The following JMY variants were observed in gnomAD, a reference collection of about 807,000 sequenced individuals.
JMY encodes the protein junction-mediating and -regulatory protein.
JMY carries 46 observed loss-of-function variants against 103.3 expected under a neutral mutation model. The ratio of observed to expected loss-of-function variants is 0.45; its 90% CI spans 0.35 to 0.57. The LOEUF is 0.57. Among genes scored for constraint, JMY ranks in the 20% least tolerant of loss-of-function variants. The pLI, the probability that JMY is intolerant of heterozygous loss-of-function variation, is 0.00. For missense variants in JMY, 1,238 were observed against 1,255.2 expected, an observed-to-expected ratio of 0.99 and a Z score of 0.21; for synonymous variants, 526 against 489.3, an observed-to-expected ratio of 1.07 and a Z score of -0.99.
At chr5:79,316,457 G>A (rs1747224740) in intron 10 of JMY, 147 bp downstream of exon 10, 2 of 598,820 alleles carry the variant, frequency 3.3e-6, no homozygotes, top group Non-Finnish European at 5.9e-6. Context: ...ATGAACTTCA[G>A]GTTTTACTTA....
intron 6 of JMY, among the ~76,000 whole-genome samples, chr5:79,301,780 C>G (rs1746740771): frequency 6.6e-6 from 1 of 152,138 alleles, no homozygotes; most frequent in Non-Finnish European, 1.5e-5. Flanking sequence ...ACGTTCCAAT[C>G]TGCACCAACC....
intron 2 of JMY, among the ~76,000 whole-genome samples, chr5:79,286,658 A>G (rs923535511): frequency 9.2e-5 from 14 of 151,922 alleles, no homozygotes; most frequent in African/African-American, 2.9e-4. Flanking sequence ...AAAAAAATCC[A>G]TAATGCAAGT....
At chr5:79,307,056 A>G (rs1369978977) in intron 7 of JMY, among the ~76,000 whole-genome samples, 2 of 152,190 alleles carry the variant, frequency 1.3e-5, no homozygotes, top group Non-Finnish European at 2.9e-5. Flanking sequence ...ACGTGCATTT[A>G]AGGTTGCTCC....
chr5:79,278,162 A>G, intron 2 of JMY, 79 bp downstream of exon 2: 1 of 981,520 alleles, frequency 1.0e-6, no homozygotes, highest in Non-Finnish European at 1.4e-6. Context: ...TATCCACAAG[A>G]GGAACTTTAA....
chr5:79,312,676 G>C (rs1368090293), intron 8 of JMY, among the ~76,000 whole-genome samples, 178 bp downstream of exon 8: 1 of 151,974 alleles, frequency 6.6e-6, no homozygotes. Context: ...ATTTCCTCTG[G>C]TGGTTTTCCG....
chr5:79,284,124 T>G, intron 2 of JMY: 1 of 1,505,158 alleles, frequency 6.6e-7, no homozygotes, highest in Non-Finnish European at 8.9e-7. Context: ...CTATTTGAAG[T>G]CTGAACTTTA....
intron 2 of JMY, among the ~76,000 whole-genome samples, chr5:79,285,898 T>A (rs1019085549): frequency 3.9e-5 from 6 of 152,230 alleles, no homozygotes; most frequent in Non-Finnish European, 8.8e-5. Flanking sequence ...CTGTGCTTCA[T>A]AATAATTCCA....
chr5:79,262,264 C>T (rs937523174), intron 1 of JMY, among the ~76,000 whole-genome samples: 2 of 152,194 alleles, frequency 1.3e-5, no homozygotes, highest in African/African-American at 4.8e-5. Flanking sequence ...CTCTTCATCT[C>T]AAATATCCTT....
At chr5:79,237,822 G>T in intron 1 of JMY, 140 bp downstream of exon 1, 2 of 692,274 alleles carry the variant, frequency 2.9e-6, no homozygotes, top group Middle Eastern at 4.0e-4. Flanking sequence ...AGGGGTTCCT[G>T]ATCTACCTTG....
In JMY at chr5:79,325,671, A is replaced by G. The variant is rs947437176; in HGVS notation, c.*4069A>G. On this transcript the variant is annotated 3_prime_UTR_variant, in exon 11 of 11. Transcript: ENST00000396137. The stretch of plus-strand genomic sequence containing the variant: ...AGTGCTACTGAACAATTCAGTAGTT[A>G]TTTCTGAACTTTGCTGCAAAGTGCT... The G allele has an allele frequency of 1.1e-4, 17 of 152,132 alleles. No individual in the cohort carries two copies. Among genetic ancestry groups the G allele is most frequent in the Admixed American group, 8.5e-4 (13 of 15,270 alleles). The allele number at this position is 152,132 out of a possible 1,614,324, so 9.4% of individuals were successfully genotyped here. A position where few individuals can be genotyped will look rare whatever the true frequency, so the allele number is the denominator to read the frequency against.
chr5:79,261,249 CAT>C (rs910947687), intron 1 of JMY, among the ~76,000 whole-genome samples: 2 of 152,112 alleles, frequency 1.3e-5, no homozygotes, highest in African/African-American at 2.4e-5. Flanking sequence ...AAAATTTTAC[CAT>C]GGCAATGTAA....
chr5:79,276,388 G>A (rs1314454527), intron 1 of JMY, among the ~76,000 whole-genome samples: 1 of 151,862 alleles, frequency 6.6e-6, no homozygotes, highest in African/African-American at 2.4e-5. Flanking sequence ...CCAAAGTGCT[G>A]GGAGTACAGG....
chr5:79,305,750 T>C (rs530936262), intron 6 of JMY, among the ~76,000 whole-genome samples: 1 of 152,344 alleles, frequency 6.6e-6, no homozygotes, highest in East Asian at 1.9e-4. Flanking sequence ...TTGCAGCTCT[T>C]ATGTCTGCGA....
rs1747603465 is a variant in JMY, at chr5:79,325,408, G to A, written c.*3806G>A. The A allele has an allele frequency of 6.6e-6, 1 of 152,138 alleles. No homozygotes were observed. 9.4% of individuals were successfully genotyped at this position (152,138 alleles called of 1,614,324 possible). A position where few individuals can be genotyped will look rare whatever the true frequency, so the allele number is the denominator to read the frequency against. ...ATTTCAAAACCATTGCAGACACATTGTTAAAATGCAGCCATTTGATAATGA... is the reference window on the plus strand; with the variant it reads ...ATTTCAAAACCATTGCAGACACATTATTAAAATGCAGCCATTTGATAATGA... On this transcript the variant is annotated 3_prime_UTR_variant, in exon 11 of 11. Transcript: ENST00000396137.
At chr5:79,298,211 A>G (rs1214636389) in intron 4 of JMY, among the ~76,000 whole-genome samples, 1 of 152,220 alleles carries the variant, frequency 6.6e-6, no homozygotes, top group African/African-American at 2.4e-5. Flanking sequence ...GATCTGAACA[A>G]TATCACTGGA....
chr5:79,266,482 T>G (rs1745590322), intron 1 of JMY, among the ~76,000 whole-genome samples: 1 of 152,222 alleles, frequency 6.6e-6, no homozygotes, highest in African/African-American at 2.4e-5. Flanking sequence ...GTTGTACATA[T>G]TTAGGTGGTA....
intron 2 of JMY, among the ~76,000 whole-genome samples, chr5:79,287,708 C>G (rs981661847): frequency 2.6e-5 from 4 of 152,158 alleles, no homozygotes; most frequent in African/African-American, 9.7e-5. Flanking sequence ...AAAAGAAAAG[C>G]ATACTGGGCA....
rs1255543151 is a variant in JMY at position 79,314,638 on chromosome 5, C to T, written c.2446C>T (p.Pro816Ser). 6 of 1,479,772 alleles carry T rather than the reference C, an allele frequency of 4.1e-6. No individual in the cohort carries two copies. The highest frequency in any genetic ancestry group is 2.3e-5 in the East Asian group (1 of 42,560). 91.7% of individuals were successfully genotyped at this position (1,479,772 alleles called of 1,614,324 possible). Residue 816 changes from proline to serine, a missense_variant, in exon 9 of 11, where the codon CCT becomes TCT. By Grantham distance (74) the Pro-to-Ser change is moderately conservative (BLOSUM62 -1). Coordinates refer to ENST00000396137, the MANE Select transcript of JMY (RefSeq NM_152405.5). ...PLPPTPPPPP[P>S]PPPPPPPPPL... The stretch of plus-strand genomic sequence containing the variant: ...TCCTCCAACACCACCACCTCCCCCA[C>T]CTCCTCCCCCTCCCCCACCACCACC...
At chr5:79,313,418 CA>C (rs1246718505) in intron 8 of JMY, among the ~76,000 whole-genome samples, 3 of 151,646 alleles carry the variant, frequency 2.0e-5, no homozygotes, top group Admixed American at 6.6e-5. Context: ...GACCCTGTCT[CA>C]AAAACAAACA....
Sources: gnomAD v4.1 joint callset for allele counts (sites outside exome capture counted in the v4.1 genomes callset) on GRCh38, gnomAD v4.1.1 for gene constraint, MANE v1.5 for transcripts, NCBI Gene and HGNC (gene_info 2026-07-23, HGNC 2026-07-21) for gene names.